CAMK1D: variants seen among roughly 807,000 people sequenced by gnomAD.
CAMK1D encodes the protein calcium/calmodulin-dependent protein kinase type 1D.
A neutral mutation model predicts 47.7 loss-of-function variants in CAMK1D; 9 were observed. The observed-to-expected ratio is 0.19, with a 90% CI of 0.11 to 0.33. The LOEUF (loss-of-function observed/expected upper bound fraction) is 0.33. CAMK1D is among the 10% of genes least tolerant of loss of function. The pLI is 1.00. For missense variants in CAMK1D, 291 were observed against 488.7 expected (o/e 0.60, Z 3.81); for synonymous variants, 184 against 184.9 (o/e 0.99, Z 0.04).
At position 12,452,814 on chromosome 10, in the gene CAMK1D, G is replaced by A. The variant is rs1379491205; in HGVS notation, c.93-100411G>A. ...TTGGTCAGGATGGTCTTGAACTCCCGCCTTGGCCTCTCAAAGTGCTGGGAT... is the reference window on the plus strand; with the variant it reads ...TTGGTCAGGATGGTCTTGAACTCCCACCTTGGCCTCTCAAAGTGCTGGGAT... On this transcript the variant is annotated intron_variant, in intron 1 of 10. Transcript: ENST00000619168. Among the ~76,000 whole-genome samples, 3 of 152,182 alleles carry A rather than the reference G, an allele frequency of 2.0e-5. No homozygotes were observed. In the South Asian group the frequency reaches 6.2e-4, roughly 32 times the overall value.
At chr10:12,428,960 T>C (rs987768599) in intron 1 of CAMK1D, among the ~76,000 whole-genome samples, 1 of 152,210 alleles carries the variant, frequency 6.6e-6, no homozygotes, top group Non-Finnish European at 1.5e-5. Flanking sequence ...ATCTTGGACC[T>C]CCAGCCTCCA....
chr10:12,435,544 G>A (rs965727564), intron 1 of CAMK1D, among the ~76,000 whole-genome samples: 5 of 146,634 alleles, frequency 3.4e-5, no homozygotes, highest in African/African-American at 1.4e-4. Context: ...CTCCCAAGCA[G>A]CCTGTCTGTT....
rs191519970 is a variant in CAMK1D, at chr10:12,392,706, T to C, written c.92+42796T>C. Among the ~76,000 whole-genome samples the C allele has an allele frequency of 1.7e-3, 256 of 152,330 alleles. 1 individual carries two copies. Among genetic ancestry groups the C allele is most frequent in the African/African-American group, 5.9e-3 (245 of 41,576 alleles). On this transcript the variant is annotated intron_variant, in intron 1 of 10. Transcript: ENST00000619168. ...GCAATTTTTGAGAGCATATACATTG[T>C]TATTGAGCATAGTCACTATGTTGTA...
chr10:12,608,580 A>C (rs531991573), intron 2 of CAMK1D, among the ~76,000 whole-genome samples: 1 of 152,356 alleles, frequency 6.6e-6, no homozygotes, highest in East Asian at 1.9e-4. Flanking sequence ...GTTCTACAAC[A>C]AATGGCATCT....
intron 3 of CAMK1D, among the ~76,000 whole-genome samples, chr10:12,701,279 G>T (rs925306798): frequency 6.6e-6 from 1 of 151,892 alleles, no homozygotes; most frequent in East Asian, 1.9e-4. Context: ...GTGTCCAAAG[G>T]GTTTTTACTT....
intron 5 of CAMK1D, among the ~76,000 whole-genome samples, chr10:12,789,013 G>A (rs1463681085): frequency 6.6e-6 from 1 of 152,234 alleles, no homozygotes; most frequent in Non-Finnish European, 1.5e-5. Context: ...ATAGGCAGAG[G>A]CGCTCAGCAG....
At chr10:12,406,463 C>G (rs1287848287) in intron 1 of CAMK1D, among the ~76,000 whole-genome samples, 1 of 151,974 alleles carries the variant, frequency 6.6e-6, no homozygotes, top group Non-Finnish European at 1.5e-5. Flanking sequence ...GTAATCCCAG[C>G]ACTTTGGGAG....
At chr10:12,734,322 CAAAA>C (rs1201573872) in intron 3 of CAMK1D, among the ~76,000 whole-genome samples, 10 of 23,574 alleles carry the variant, frequency 4.2e-4, no homozygotes, top group East Asian at 2.7e-3. Context: ...GACTCCATCT[CAAAA>C]AAAAAAAAAA....
intron 2 of CAMK1D, among the ~76,000 whole-genome samples, chr10:12,597,729 C>T (rs1393072060): frequency 6.6e-6 from 1 of 152,166 alleles, no homozygotes; most frequent in Admixed American, 6.5e-5. Flanking sequence ...TCTCCTGGGC[C>T]ACCCATAGGG....
intron 1 of CAMK1D, among the ~76,000 whole-genome samples, chr10:12,481,122 A>G (rs1834052193): frequency 6.6e-6 from 1 of 152,236 alleles, no homozygotes; most frequent in African/African-American, 2.4e-5. Context: ...ACGTGGGCAT[A>G]ATTAAATTGT....
At chr10:12,762,906 C>G (rs1401819672) in intron 4 of CAMK1D, among the ~76,000 whole-genome samples, 1 of 152,172 alleles carries the variant, frequency 6.6e-6, no homozygotes, top group Non-Finnish European at 1.5e-5. Flanking sequence ...ATAGGCAGCT[C>G]TCTCTGAACA....
At chr10:12,763,744 T>A (rs544591751) in intron 4 of CAMK1D, among the ~76,000 whole-genome samples, 2 of 152,286 alleles carry the variant, frequency 1.3e-5, no homozygotes, top group Non-Finnish European at 2.9e-5. Context: ...TTACCAGAAG[T>A]GTGTTGATTC....
intron 1 of CAMK1D, among the ~76,000 whole-genome samples, chr10:12,404,234 A>G (rs1050230397): frequency 2.0e-5 from 3 of 152,126 alleles, no homozygotes; most frequent in African/African-American, 7.2e-5. Context: ...TAGTAGAGGT[A>G]GGGTTTCTCC....
At chr10:12,673,546 T>C (rs947681165) in intron 3 of CAMK1D, among the ~76,000 whole-genome samples, 60 of 152,196 alleles carry the variant, frequency 3.9e-4, no homozygotes, top group Admixed American at 3.0e-3. Flanking sequence ...TTCTTACCAT[T>C]TTCTATCTCA....
At chr10:12,416,249 A>G (rs1366954583) in intron 1 of CAMK1D, among the ~76,000 whole-genome samples, 1 of 152,210 alleles carries the variant, frequency 6.6e-6, no homozygotes, top group Non-Finnish European at 1.5e-5. Context: ...GTCGCTGGAA[A>G]TGTCACTTCA....
In CAMK1D at chr10:12,678,355, T is replaced by C. The variant is rs7908988; in HGVS notation, c.299+11545T>C. ...TTTTATTGTGATTGGAAAGATACTTTGTATGATTTCAGTCTTTTAAATTTT... is the reference window on the plus strand; with the variant it reads ...TTTTATTGTGATTGGAAAGATACTTCGTATGATTTCAGTCTTTTAAATTTT... On this transcript the variant is annotated intron_variant, in intron 3 of 10. Coordinates refer to ENST00000619168, the MANE Select transcript of CAMK1D (RefSeq NM_153498.4). Among the ~76,000 whole-genome samples the C allele has an allele frequency of 4.8e-3, 739 of 152,376 alleles. 3 individuals carry two copies. The highest frequency in any genetic ancestry group is 0.016 in the African/African-American group (680 of 41,584).
chr10:12,418,654 A>G (rs1839937479), intron 1 of CAMK1D, among the ~76,000 whole-genome samples: 1 of 152,254 alleles, frequency 6.6e-6, no homozygotes, highest in South Asian at 2.1e-4. Flanking sequence ...ATGTGTGAGC[A>G]TGACCTTCTT....
chr10:12,639,910 C>T lies in CAMK1D; in HGVS notation c.225-26826C>T, dbSNP rs192151110. 3.2e-3 allele frequency among the ~76,000 whole-genome samples: 491 copies of T among 152,186 alleles called. 4 individuals carry two copies. Among genetic ancestry groups the T allele is most frequent in the African/African-American group, 0.011 (470 of 41,510 alleles). On this transcript the variant is annotated intron_variant, in intron 2 of 10. Coordinates refer to ENST00000619168, the MANE Select transcript of CAMK1D (RefSeq NM_153498.4). ...TGGAGTTCAAGGGGAAGCTTCTATGCGCCTGGAATTCTACATGGAAACTCT... is the reference window on the plus strand; with the variant it reads ...TGGAGTTCAAGGGGAAGCTTCTATGTGCCTGGAATTCTACATGGAAACTCT...
chr10:12,495,132 A>G (rs1044265648), intron 1 of CAMK1D, among the ~76,000 whole-genome samples: 2 of 152,226 alleles, frequency 1.3e-5, no homozygotes, highest in Non-Finnish European at 1.5e-5. Context: ...GTAAACTTAG[A>G]ATCTGGTTAT....
Sources: gnomAD v4.1 joint callset for allele counts (sites outside exome capture counted in the v4.1 genomes callset) on GRCh38, gnomAD v4.1.1 for gene constraint, MANE v1.5 for transcripts, NCBI Gene and HGNC (gene_info 2026-07-23, HGNC 2026-07-21) for gene names.